KAZN: variants seen among roughly 807,000 people sequenced by gnomAD.
KAZN encodes kazrin.
In KAZN, 40 loss-of-function variants were observed where a neutral mutation model predicts 87.4. That is an observed-to-expected ratio of 0.46 (90% CI 0.36 to 0.60). The LOEUF (loss-of-function observed/expected upper bound fraction) is 0.60, where lower values mean the gene tolerates loss of function less well. Ranked by LOEUF, KAZN falls within the 20% of genes least tolerant of loss-of-function variation. The pLI is 0.00. For missense variants in KAZN, 898 were observed against 1,073.9 expected (o/e 0.84, Z 2.29); for synonymous variants, 466 against 458.3 (o/e 1.02, Z -0.22).
intron 10 of KAZN, among the ~76,000 whole-genome samples, chr1:15,098,996 A>G (rs914275441): frequency 1.3e-5 from 2 of 152,168 alleles, no homozygotes; most frequent in African/African-American, 2.4e-5. Context: ...TGGTGCAGAG[A>G]TGGGGACTTC....
At chr1:13,956,546 G>A (rs765332690) in intron 1 of KAZN, among the ~76,000 whole-genome samples, 1 of 151,848 alleles carries the variant, frequency 6.6e-6, no homozygotes, top group Non-Finnish European at 1.5e-5. Flanking sequence ...ACATGCATAC[G>A]ATTATTCTTT....
rs1490069587 is a variant in KAZN at position 15,101,525 on chromosome 1, G to A, written c.1548-18G>A. 8 of 1,534,880 alleles carry A rather than the reference G, an allele frequency of 5.2e-6. No individual in the cohort carries two copies. In the East Asian group the frequency reaches 2.0e-4, roughly 38 times the overall value. Reference sequence around the variant, plus strand: ...CCTTTCCCCACCCATCCACTCTCTGGCTATGTCTCCTCCCCAGCCTGTCCA... The same window carrying A: ...CCTTTCCCCACCCATCCACTCTCTGACTATGTCTCCTCCCCAGCCTGTCCA... On this transcript the variant is annotated intron_variant, in intron 10 of 14. Coordinates refer to ENST00000376030, the MANE Select transcript of KAZN (RefSeq NM_201628.3).
At chr1:14,771,209 G>C (rs2100591677) in intron 1 of KAZN, among the ~76,000 whole-genome samples, 1 of 152,286 alleles carries the variant, frequency 6.6e-6, no homozygotes, top group East Asian at 1.9e-4. Flanking sequence ...TAAAGGGGTA[G>C]AAGTACTGCC....
chr1:14,406,113 G>A (rs1358350081), intron 2 of KAZN, among the ~76,000 whole-genome samples: 6 of 152,166 alleles, frequency 3.9e-5, no homozygotes, highest in African/African-American at 1.4e-4. Flanking sequence ...TGGCTTGTTT[G>A]TAACTCAAAG....
At chr1:14,514,595 T>TTATATA (rs754845099) in intron 2 of KAZN, among the ~76,000 whole-genome samples, 72 of 66,520 alleles carry the variant, frequency 1.1e-3, no homozygotes, top group East Asian at 3.6e-3. Context: ...TTTTTATATT[T>TTATATA]TATATATATA....
intron 1 of KAZN, chr1:13,893,812 C>A: frequency 6.5e-7 from 1 of 1,539,592 alleles, no homozygotes; most frequent in Non-Finnish European, 8.8e-7. Flanking sequence ...AGCGTTATCC[C>A]GGGTCCCCAA....
intron 2 of KAZN, among the ~76,000 whole-genome samples, chr1:14,966,186 C>T (rs1222714864): frequency 1.3e-5 from 2 of 152,070 alleles, no homozygotes; most frequent in African/African-American, 2.4e-5. Flanking sequence ...CACCGTGTTG[C>T]CCAGGCTGGT....
At chr1:14,808,988 AC>A (rs1477242789) in intron 1 of KAZN, among the ~76,000 whole-genome samples, 1 of 151,956 alleles carries the variant, frequency 6.6e-6, no homozygotes, top group African/African-American at 2.4e-5. Context: ...TGGTGGTAAA[AC>A]AACAACAACA....
chr1:14,202,680 C>T (rs937317610), intron 2 of KAZN, among the ~76,000 whole-genome samples: 7 of 152,066 alleles, frequency 4.6e-5, no homozygotes, highest in Admixed American at 3.9e-4. Context: ...AGCTAGTATT[C>T]CAAAGGGCAT....
chr1:14,612,203 G>A (rs1049824360), intron 1 of KAZN, among the ~76,000 whole-genome samples: 1 of 152,160 alleles, frequency 6.6e-6, no homozygotes. Flanking sequence ...TAATTACTAG[G>A]GGTGTTGTGG....
chr1:15,080,028 A>C (rs1639924079), intron 8 of KAZN, among the ~76,000 whole-genome samples: 3 of 152,158 alleles, frequency 2.0e-5, no homozygotes, highest in South Asian at 2.1e-4. Flanking sequence ...CCTGCCTAGG[A>C]ACTGAGTGCA....
At chr1:14,068,017 C>T (rs76543990) in intron 1 of KAZN, among the ~76,000 whole-genome samples, 1,973 of 152,232 alleles carry the variant, frequency 0.013, 20 homozygotes, top group Admixed American at 0.023. Flanking sequence ...TTTTCAGAGC[C>T]GGAATACTTT....
At chr1:13,893,833 C>A in intron 1 of KAZN, 1 of 1,457,976 alleles carries the variant, frequency 6.9e-7, no homozygotes, top group Admixed American at 2.2e-5. Flanking sequence ...AAACAGCGGT[C>A]TGTGTGTGTC....
intron 2 of KAZN, among the ~76,000 whole-genome samples, chr1:14,498,802 G>A (rs1318317011): frequency 6.6e-6 from 1 of 152,030 alleles, no homozygotes; most frequent in African/African-American, 2.4e-5. Context: ...CAAGCCATGG[G>A]TTGGCCAAGG....
intron 2 of KAZN, among the ~76,000 whole-genome samples, chr1:14,969,812 TTTATA>T (rs933884402): frequency 3.9e-5 from 6 of 152,072 alleles, no homozygotes; most frequent in African/African-American, 9.7e-5. Flanking sequence ...TTTATTTTAT[TTTATA>T]TTATTTTTCG....
chr1:14,661,992 T>A (rs1639207383), intron 1 of KAZN, among the ~76,000 whole-genome samples: 1 of 152,110 alleles, frequency 6.6e-6, no homozygotes, highest in African/African-American at 2.4e-5. Context: ...AGCCGTGTGA[T>A]CTTGAGAAAC....
chr1:14,652,617 TCATCCACC>T (rs1392975644), intron 1 of KAZN, among the ~76,000 whole-genome samples: 3 of 38,300 alleles, frequency 7.8e-5, no homozygotes, highest in African/African-American at 3.1e-4. Context: ...ATGCACCCAC[TCATCCACC>T]CATCCACCCA....
intron 1 of KAZN, among the ~76,000 whole-genome samples, chr1:14,849,165 C>T (rs777395988): frequency 2.0e-5 from 3 of 152,156 alleles, no homozygotes; most frequent in Admixed American, 6.5e-5. Flanking sequence ...GCGTTCATTC[C>T]GCTTAAGTTG....
intron 8 of KAZN, among the ~76,000 whole-genome samples, chr1:15,086,565 G>A (rs1029612593): frequency 1.3e-5 from 2 of 152,152 alleles, no homozygotes; most frequent in Admixed American, 1.3e-4. Flanking sequence ...CCAGAAGGAA[G>A]GTCTGAGGTA....
Sources: allele counts gnomAD v4.1 joint callset (sites outside exome capture counted in the v4.1 genomes callset), GRCh38; gene constraint gnomAD v4.1.1; transcripts MANE v1.5; gene names NCBI Gene and HGNC (gene_info 2026-07-23, HGNC 2026-07-21).